Variants in CHD9 observed in about 807,000 individuals in gnomAD.
CHD9 encodes the protein chromodomain helicase DNA binding protein 9, also known as ATP-dependent chromatin remodeler CHD9.
A neutral mutation model predicts 316.1 loss-of-function variants in CHD9; 77 were observed. The ratio of observed to expected loss-of-function variants is 0.24; its 90% CI spans 0.20 to 0.29. The LOEUF is 0.29. CHD9 is among the 10% of genes least tolerant of loss of function. The pLI is 1.00. For synonymous variants in CHD9, 1,129 were observed against 1,158.3 expected (o/e 0.97, Z 0.51); for missense variants, 2,763 against 3,438.1 (o/e 0.80, Z 4.91).
intron 24 of CHD9, among the ~76,000 whole-genome samples, chr16:53,279,120 C>A (rs2053160680): frequency 2.0e-5 from 3 of 152,144 alleles, no homozygotes; most frequent in Admixed American, 2.0e-4. Flanking sequence ...AAATGTCCAT[C>A]AGTGATAGAT....
chr16:53,232,715 T>C (rs998012800), intron 10 of CHD9, among the ~76,000 whole-genome samples: 1 of 152,214 alleles, frequency 6.6e-6, no homozygotes, highest in Admixed American at 6.5e-5. Context: ...TATGATCTAA[T>C]GCAGAAATTA....
intron 1 of CHD9, among the ~76,000 whole-genome samples, chr16:53,149,136 A>G (rs2040879034): frequency 6.6e-6 from 1 of 152,184 alleles, no homozygotes; most frequent in South Asian, 2.1e-4. Context: ...TATACTTGTA[A>G]TATTTTAAAA....
At chr16:53,130,633 C>G (rs1486765271) in intron 1 of CHD9, among the ~76,000 whole-genome samples, 2 of 151,452 alleles carry the variant, frequency 1.3e-5, no homozygotes, top group Non-Finnish European at 3.0e-5. Flanking sequence ...CCGAGGCCGC[C>G]CAGGGCTCCG....
chr16:53,100,644 G>T (rs1311451319), intron 1 of CHD9, among the ~76,000 whole-genome samples: 1 of 152,018 alleles, frequency 6.6e-6, no homozygotes, highest in Non-Finnish European at 1.5e-5. Flanking sequence ...TTTTTTTGTA[G>T]GGATGGAGTC....
intron 2 of CHD9, among the ~76,000 whole-genome samples, chr16:53,190,058 A>G (rs970286016): frequency 2.0e-5 from 3 of 152,068 alleles, no homozygotes; most frequent in Admixed American, 1.3e-4. Context: ...TACCTCCCAA[A>G]CTAGAACAGA....
chr16:53,109,677 CTTTT>C (rs1166073629), intron 1 of CHD9, among the ~76,000 whole-genome samples: 28 of 71,604 alleles, frequency 3.9e-4, no homozygotes, highest in South Asian at 2.3e-3. Flanking sequence ...TTCCCAGTTT[CTTTT>C]TTTTTTTTTT....
chr16:53,255,763 G>C lies in CHD9; in HGVS notation c.4193G>C (p.Gly1398Ala). The change falls in exon 19 of 39, where the codon GGG (glycine) becomes GCG (alanine). Residue 1398 changes from glycine to alanine, a missense_variant. Transcript: ENST00000447540. Reference protein sequence around the residue: ...KTITIESEGRGSTFAKASFVA... With the variant: ...KTITIESEGRASTFAKASFVA... ...ATTACAATTGAATCAGAAGGACGTG[G>C]GTCAACATTTGCCAAGGTAATAGTG... 6.2e-7 allele frequency: 1 copy of C among 1,613,680 alleles called. No homozygotes were observed. The highest frequency in any genetic ancestry group is 1.1e-5 in the South Asian group (1 of 91,060).
At chr16:53,238,207 C>A (rs919333122) in intron 11 of CHD9, 136 bp from the exon 12 acceptor site, 3 of 746,576 alleles carry the variant, frequency 4.0e-6, no homozygotes, top group Middle Eastern at 4.0e-4. Context: ...CTTAAGCCTA[C>A]CCTGCACTTA....
chr16:53,218,614 T>C (rs1230132048), intron 3 of CHD9, among the ~76,000 whole-genome samples: 2 of 152,190 alleles, frequency 1.3e-5, no homozygotes, highest in Non-Finnish European at 2.9e-5. Context: ...TTAAAAAAAT[T>C]TAAATATCTC....
chr16:53,259,666 C>T (rs2050914746), intron 19 of CHD9, among the ~76,000 whole-genome samples: 1 of 152,170 alleles, frequency 6.6e-6, no homozygotes, highest in African/African-American at 2.4e-5. Context: ...GCACATGCCG[C>T]CATGCCCAGT....
intron 1 of CHD9, among the ~76,000 whole-genome samples, chr16:53,090,152 C>T (rs1007642609): frequency 5.9e-5 from 9 of 152,298 alleles, no homozygotes; most frequent in African/African-American, 2.2e-4. Context: ...AAACCGGAGT[C>T]CCTCCTCTGC....
At chr16:53,280,503 A>G (rs1159728206) in intron 24 of CHD9, among the ~76,000 whole-genome samples, 16 of 151,676 alleles carry the variant, frequency 1.1e-4, no homozygotes, top group Admixed American at 1.1e-3. Flanking sequence ...AAGACAGTAC[A>G]CTATGGGGAC....
intron 19 of CHD9, among the ~76,000 whole-genome samples, chr16:53,257,540 A>G (rs1293918375): frequency 6.6e-6 from 1 of 151,798 alleles, no homozygotes; most frequent in Non-Finnish European, 1.5e-5. Flanking sequence ...CCAGTTAGAA[A>G]TTTTGAGAAG....
intron 1 of CHD9, among the ~76,000 whole-genome samples, chr16:53,075,590 G>A (rs947848364): frequency 1.3e-5 from 2 of 152,062 alleles, no homozygotes; most frequent in Non-Finnish European, 2.9e-5. Context: ...TAAGTCTCAC[G>A]AGATCTGATG....
chr16:53,103,770 C>CT (rs751205558), intron 1 of CHD9, among the ~76,000 whole-genome samples: 3 of 152,158 alleles, frequency 2.0e-5, no homozygotes, highest in Non-Finnish European at 4.4e-5. Context: ...TCTCTAGTGC[C>CT]TTATAGTTTT....
intron 15 of CHD9, 90 bp from the exon 16 acceptor site, chr16:53,247,193 TACAGAAGCAC>T: frequency 1.2e-6 from 1 of 800,988 alleles, no homozygotes; most frequent in Non-Finnish European, 2.0e-6. Context: ...AAAATTATGT[TACAGAAGCAC>T]ACAGGAGCAC....
intron 1 of CHD9, among the ~76,000 whole-genome samples, chr16:53,100,936 A>G (rs1275722182): frequency 6.6e-6 from 1 of 152,242 alleles, no homozygotes; most frequent in African/African-American, 2.4e-5. Flanking sequence ...GTTATTATAT[A>G]TAATTATGTG....
In CHD9 at chr16:53,231,494, G is replaced by C; in HGVS notation, c.2362G>C (p.Asp788His). 1 of 1,581,468 alleles carries C rather than the reference G, an allele frequency of 6.3e-7. No individual in the cohort carries two copies. Among genetic ancestry groups the C allele is most frequent in the Non-Finnish European group, 8.7e-7 (1 of 1,153,544 alleles). ...AGAAGTCTCTTTTTGTGAAGATAAGGATACTGGTGAGGTAAATATATGGTA... is the reference window on the plus strand; with the variant it reads ...AGAAGTCTCTTTTTGTGAAGATAAGCATACTGGTGAGGTAAATATATGGTA... The part of the protein sequence containing the change: ...VLEVSFCEDK[D>H]TGEPVIYYLV... The change falls in exon 9 of 39, where the codon GAT becomes CAT. Residue 788 changes from aspartate to histidine, a missense_variant. By Grantham distance (81) the Asp-to-His change is moderately conservative (BLOSUM62 -1). Coordinates refer to ENST00000447540, the MANE Select transcript of CHD9 (RefSeq NM_001308319.2).
intron 1 of CHD9, among the ~76,000 whole-genome samples, chr16:53,064,445 G>T (rs936396495): frequency 6.6e-6 from 1 of 152,040 alleles, no homozygotes; most frequent in Non-Finnish European, 1.5e-5. Flanking sequence ...GTGTGATTGG[G>T]GTGACTGACA....
Sources: allele counts gnomAD v4.1 joint callset (sites outside exome capture counted in the v4.1 genomes callset), GRCh38; gene constraint gnomAD v4.1.1; transcripts MANE v1.5; gene names NCBI Gene and HGNC (gene_info 2026-07-23, HGNC 2026-07-21).